The following RXFP1 variants were observed in gnomAD, a reference collection of about 807,000 sequenced individuals.
RXFP1 encodes the protein relaxin family peptide receptor 1.
RXFP1 carries 73 observed loss-of-function variants against 89.8 expected under a neutral mutation model. That is an observed-to-expected ratio of 0.81 (90% CI 0.67 to 0.99). The LOEUF (loss-of-function observed/expected upper bound fraction) is 0.99, where lower values mean the gene tolerates loss of function less well. Among genes scored for constraint, RXFP1 ranks in the 50% least tolerant of loss-of-function variants. The probability of loss-of-function intolerance (pLI) is 0.00; values close to 1 mark genes in which losing one functional copy is unlikely to be tolerated. For missense variants in RXFP1, 793 were observed against 895.5 expected (o/e 0.89, Z 1.46); for synonymous variants, 277 against 305.5 (o/e 0.91, Z 0.97).
At chr4:158,623,535 A>C (rs1442046687) in intron 9 of RXFP1, among the ~76,000 whole-genome samples, 2 of 148,054 alleles carry the variant, frequency 1.4e-5, no homozygotes, top group Non-Finnish European at 3.0e-5. Flanking sequence ...AAGATAATCC[A>C]CTACTTCTCA....
intron 1 of RXFP1, among the ~76,000 whole-genome samples, chr4:158,541,536 A>G (rs1746636460): frequency 6.6e-6 from 1 of 152,204 alleles, no homozygotes; most frequent in Non-Finnish European, 1.5e-5. Flanking sequence ...TATTTCCTAA[A>G]CTTATTTTTT....
intron 2 of RXFP1, 106 bp from the exon 3 acceptor site, chr4:158,593,295 A>G: frequency 1.9e-6 from 1 of 513,014 alleles, no homozygotes; most frequent in Non-Finnish European, 3.2e-6. Context: ...ATCTCGCTAC[A>G]TTTGGAGAAA....
intron 1 of RXFP1, among the ~76,000 whole-genome samples, chr4:158,570,444 A>T (rs938122006): frequency 2.6e-5 from 4 of 152,006 alleles, no homozygotes; most frequent in African/African-American, 7.2e-5. Flanking sequence ...TTATTCTTGC[A>T]CCCTACCTTT....
At chr4:158,555,495 A>T (rs771715800) in intron 1 of RXFP1, among the ~76,000 whole-genome samples, 12 of 152,220 alleles carry the variant, frequency 7.9e-5, no homozygotes, top group African/African-American at 2.9e-4. Flanking sequence ...TTTGAATTAC[A>T]TTGGGACCCA....
At chr4:158,636,502 A>T (rs1769188541) in intron 12 of RXFP1, among the ~76,000 whole-genome samples, 1 of 152,302 alleles carries the variant, frequency 6.6e-6, no homozygotes, top group African/African-American at 2.4e-5. Flanking sequence ...GTCTCAGTCT[A>T]TCACTACCGT....
At chr4:158,621,728 T>C (rs1002610879) in intron 9 of RXFP1, among the ~76,000 whole-genome samples, 2 of 152,126 alleles carry the variant, frequency 1.3e-5, no homozygotes, top group African/African-American at 4.8e-5. Context: ...AACTCACCTA[T>C]TAAAAGGAAA....
intron 1 of RXFP1, among the ~76,000 whole-genome samples, chr4:158,560,567 A>G (rs1752228819): frequency 6.6e-6 from 1 of 152,204 alleles, no homozygotes; most frequent in South Asian, 2.1e-4. Context: ...CTGACCCGGC[A>G]TGGCCTAAAC....
chr4:158,597,733 G>A (rs1039621496), intron 3 of RXFP1, among the ~76,000 whole-genome samples: 6 of 151,836 alleles, frequency 4.0e-5, no homozygotes, highest in African/African-American at 7.3e-5. Context: ...TGGGATTAAC[G>A]CTAATTTCAC....
chr4:158,560,856 T>G (rs1752285717), intron 1 of RXFP1, among the ~76,000 whole-genome samples: 1 of 152,226 alleles, frequency 6.6e-6, no homozygotes, highest in Non-Finnish European at 1.5e-5. Flanking sequence ...TGGTCGGAAC[T>G]GTGCCCCTTA....
intron 1 of RXFP1, among the ~76,000 whole-genome samples, chr4:158,550,282 T>A (rs1268757282): frequency 6.6e-6 from 1 of 152,230 alleles, no homozygotes; most frequent in Non-Finnish European, 1.5e-5. Context: ...TGGTGTGCCA[T>A]TTTTTAAGCC....
chr4:158,619,935 GGAAC>G (rs1190139715), intron 9 of RXFP1, among the ~76,000 whole-genome samples: 1 of 152,126 alleles, frequency 6.6e-6, no homozygotes, highest in Non-Finnish European at 1.5e-5. Context: ...TGGAGAAGGG[GGAAC>G]AGCAAAGCTG....
intron 1 of RXFP1, among the ~76,000 whole-genome samples, chr4:158,549,355 A>G (rs1004560698): frequency 2.2e-4 from 34 of 151,476 alleles, no homozygotes; most frequent in African/African-American, 8.0e-4. Flanking sequence ...CATTCATCTA[A>G]TTTTTTTTCA....
At chr4:158,592,359 A>C (rs2150065370) in intron 2 of RXFP1, among the ~76,000 whole-genome samples, 1 of 152,042 alleles carries the variant, frequency 6.6e-6, no homozygotes, top group African/African-American at 2.4e-5. Flanking sequence ...GGATCACCTG[A>C]GGTCAGGAGT....
chr4:158,622,770 C>T (rs566330635), intron 9 of RXFP1, among the ~76,000 whole-genome samples: 2 of 152,098 alleles, frequency 1.3e-5, no homozygotes, highest in Admixed American at 6.5e-5. Flanking sequence ...GATGAATAAG[C>T]ATACAGATCT....
chr4:158,549,883 G>T (rs1006195199), intron 1 of RXFP1, among the ~76,000 whole-genome samples: 2 of 152,354 alleles, frequency 1.3e-5, no homozygotes, highest in Non-Finnish European at 2.9e-5. Flanking sequence ...CTCCCAGTTA[G>T]GCTGCTTGGG....
chr4:158,551,582 T>C (rs1750133272), intron 1 of RXFP1, among the ~76,000 whole-genome samples: 2 of 152,186 alleles, frequency 1.3e-5, no homozygotes, highest in African/African-American at 4.8e-5. Flanking sequence ...AATGTATACA[T>C]ATATCAAAAA....
At chr4:158,616,653 T>C (rs1429104967) in intron 8 of RXFP1, among the ~76,000 whole-genome samples, 1 of 149,386 alleles carries the variant, frequency 6.7e-6, no homozygotes, top group Admixed American at 6.7e-5. Flanking sequence ...TTACATATAA[T>C]TAGATTATAA....
At chr4:158,630,305 CT>C (rs1356114779) in intron 11 of RXFP1, among the ~76,000 whole-genome samples, 9 of 152,334 alleles carry the variant, frequency 5.9e-5, no homozygotes, top group African/African-American at 2.2e-4. Context: ...ACCCAACCAT[CT>C]GTTGTAGCAA....
chr4:158,600,671 A>T (rs1761511224), intron 4 of RXFP1, among the ~76,000 whole-genome samples: 1 of 152,042 alleles, frequency 6.6e-6, no homozygotes, highest in Non-Finnish European at 1.5e-5. Flanking sequence ...TACAAAAAAA[A>T]ATAAAAATTA....
Sources: gnomAD v4.1 joint callset for allele counts (sites outside exome capture counted in the v4.1 genomes callset) on GRCh38, gnomAD v4.1.1 for gene constraint, MANE v1.5 for transcripts, NCBI Gene and HGNC (gene_info 2026-07-23, HGNC 2026-07-21) for gene names.